The following CAMK1D variants were observed in gnomAD, a reference collection of about 807,000 sequenced individuals.
CAMK1D encodes the protein calcium/calmodulin dependent protein kinase ID, also known as calcium/calmodulin-dependent protein kinase type 1D.
Under a neutral mutation model 47.7 loss-of-function variants are expected in CAMK1D, and 9 were observed. The observed-to-expected ratio is 0.19, with a 90% CI of 0.11 to 0.33. CAMK1D has a LOEUF of 0.33. Among genes scored for constraint, CAMK1D ranks in the 10% least tolerant of loss-of-function variants. The pLI is 1.00. For missense variants in CAMK1D, 291 were observed against 488.7 expected, an observed-to-expected ratio of 0.60 and a Z score of 3.81; for synonymous variants, 184 against 184.9, an observed-to-expected ratio of 0.99 and a Z score of 0.04.
chr10:12,479,096 A>G (rs750093195), intron 1 of CAMK1D, among the ~76,000 whole-genome samples: 1 of 152,178 alleles, frequency 6.6e-6, no homozygotes, highest in Non-Finnish European at 1.5e-5. Context: ...AAGATGCATC[A>G]TAGTCTCCTG....
intron 1 of CAMK1D, among the ~76,000 whole-genome samples, chr10:12,435,221 CA>C (rs910066372): frequency 0.1 from 4,516 of 44,138 alleles, 43 homozygotes; most frequent in East Asian, 0.18. Context: ...AACTCTGTCT[CA>C]AAAAAAAAAA....
At chr10:12,503,545 A>G (rs2815662) in intron 1 of CAMK1D, among the ~76,000 whole-genome samples, 73,009 of 151,868 alleles carry the variant, frequency 0.48, 17,761 homozygotes, top group Middle Eastern at 0.55. Context: ...GCGGGCTCCC[A>G]GGGAGAGGGG....
chr10:12,765,827 G>A (rs986501065), intron 4 of CAMK1D, among the ~76,000 whole-genome samples: 23 of 152,094 alleles, frequency 1.5e-4, no homozygotes, highest in Non-Finnish European at 2.9e-5. Flanking sequence ...TGAGGAGGTG[G>A]TGTCTGACTT....
At chr10:12,753,442 T>G (rs556033420) in intron 3 of CAMK1D, among the ~76,000 whole-genome samples, 1 of 152,244 alleles carries the variant, frequency 6.6e-6, no homozygotes, top group African/African-American at 2.4e-5. Context: ...TCATGCTAGG[T>G]TGATAGCTCT....
intron 2 of CAMK1D, among the ~76,000 whole-genome samples, chr10:12,578,322 G>A (rs1336647160): frequency 2.0e-5 from 3 of 152,140 alleles, no homozygotes; most frequent in Admixed American, 2.0e-4. Context: ...TAGGCAGCCA[G>A]CACTTGGGGA....
chr10:12,379,641 T>A (rs764003406), intron 1 of CAMK1D, among the ~76,000 whole-genome samples: 2 of 152,080 alleles, frequency 1.3e-5, no homozygotes, highest in Admixed American at 6.5e-5. Context: ...TAATCCCAGC[T>A]ACTCGGGAGG....
At chr10:12,763,342 T>C (rs530969151) in intron 4 of CAMK1D, among the ~76,000 whole-genome samples, 1 of 152,330 alleles carries the variant, frequency 6.6e-6, no homozygotes, top group Admixed American at 6.5e-5. Flanking sequence ...AATTTAAGCT[T>C]AGTGCAGCAA....
intron 1 of CAMK1D, among the ~76,000 whole-genome samples, chr10:12,357,391 C>G (rs113210117): frequency 0.032 from 4,885 of 152,120 alleles, 276 homozygotes; most frequent in African/African-American, 0.11. Flanking sequence ...TCTTGGCTCA[C>G]TGCAACCTCC....
intron 3 of CAMK1D, among the ~76,000 whole-genome samples, chr10:12,689,048 C>T (rs935970472): frequency 6.6e-6 from 1 of 152,272 alleles, no homozygotes; most frequent in Non-Finnish European, 1.5e-5. Flanking sequence ...GTTCCCTTCT[C>T]TTCAGTCCCA....
intron 1 of CAMK1D, among the ~76,000 whole-genome samples, chr10:12,388,364 C>A (rs1271622631): frequency 7.2e-5 from 11 of 152,192 alleles, no homozygotes; most frequent in Admixed American, 7.2e-4. Context: ...CCGAATCAAC[C>A]TTGAAACTTA....
intron 1 of CAMK1D, among the ~76,000 whole-genome samples, chr10:12,534,817 T>A (rs1835917840): frequency 1.3e-5 from 2 of 152,276 alleles, no homozygotes; most frequent in African/African-American, 4.8e-5. Flanking sequence ...CTCCAGAACC[T>A]TGGAGTCCTC....
At chr10:12,815,488 C>T (rs955606725) in intron 7 of CAMK1D, among the ~76,000 whole-genome samples, 3 of 152,252 alleles carry the variant, frequency 2.0e-5, no homozygotes, top group Non-Finnish European at 2.9e-5. Flanking sequence ...GTACAAGGCT[C>T]GCGGGAAAGA....
At chr10:12,411,673 A>C (rs1408223547) in intron 1 of CAMK1D, among the ~76,000 whole-genome samples, 3 of 148,984 alleles carry the variant, frequency 2.0e-5, no homozygotes, top group African/African-American at 7.5e-5. Context: ...ATCTTGGTTC[A>C]CTGCAACCTT....
intron 3 of CAMK1D, among the ~76,000 whole-genome samples, chr10:12,749,443 TAAAAAA>T (rs60406640): frequency 1.7e-5 from 2 of 119,258 alleles, no homozygotes; most frequent in African/African-American, 6.0e-5. Flanking sequence ...GCTAGAAAGT[TAAAAAA>T]AAAAAAAAAA....
chr10:12,700,456 C>T (rs7094879), intron 3 of CAMK1D, among the ~76,000 whole-genome samples: 126,655 of 152,050 alleles, frequency 0.83, 53,605 homozygotes, highest in South Asian at 0.92. Flanking sequence ...CATGATTCAA[C>T]TACCGCCCAC....
At chr10:12,761,794 G>A (rs1836520609) in intron 4 of CAMK1D, among the ~76,000 whole-genome samples, 1 of 152,202 alleles carries the variant, frequency 6.6e-6, no homozygotes, top group Non-Finnish European at 1.5e-5. Context: ...GCCGAGGCAG[G>A]AGAATCGTTT....
chr10:12,699,252 T>G (rs1833416494), intron 3 of CAMK1D, among the ~76,000 whole-genome samples: 1 of 152,202 alleles, frequency 6.6e-6, no homozygotes, highest in African/African-American at 2.4e-5. Flanking sequence ...GCAAAATGCC[T>G]TGAGTGTCCA....
At chr10:12,824,778 C>T (rs1442512467) in intron 9 of CAMK1D, among the ~76,000 whole-genome samples, 1 of 152,224 alleles carries the variant, frequency 6.6e-6, no homozygotes, top group East Asian at 1.9e-4. Flanking sequence ...AGCTCTTCCT[C>T]ATCTGCTGTT....
In CAMK1D at chr10:12,677,779, G is replaced by A. The variant is rs1840860896; in HGVS notation, c.299+10969G>A. On this transcript the variant is annotated intron_variant, in intron 3 of 10. Transcript: ENST00000619168. ...AGGAGAGCTCAGTCTGTGAGGGTTT[G>A]GTCTGTGAGGGATTTAATCCATGAG... 2.6e-5 allele frequency among the ~76,000 whole-genome samples: 4 copies of A among 152,070 alleles called. No homozygotes were observed. In the South Asian group the frequency reaches 6.2e-4, roughly 24 times the overall value.
Sources: gnomAD v4.1 joint callset for allele counts (sites outside exome capture counted in the v4.1 genomes callset) on GRCh38, gnomAD v4.1.1 for gene constraint, MANE v1.5 for transcripts, NCBI Gene and HGNC (gene_info 2026-07-23, HGNC 2026-07-21) for gene names.